TCF20: variants seen among roughly 807,000 people sequenced by gnomAD.
The protein encoded by TCF20 is transcription factor 20.
TCF20 carries 3 observed loss-of-function variants against 148.6 expected under a neutral mutation model. The observed-to-expected ratio is 0.02, with a 90% CI of 0.01 to 0.05. TCF20 has a LOEUF of 0.05. Ranked by LOEUF, TCF20 falls within the 10% of genes least tolerant of loss-of-function variation. The pLI is 1.00. For missense variants in TCF20, 2,350 were observed against 2,429.3 expected, an observed-to-expected ratio of 0.97 and a Z score of 0.69; for synonymous variants, 1,049 against 909.5, an observed-to-expected ratio of 1.15 and a Z score of -2.76.
exon 1 of TCF20, among the ~76,000 whole-genome samples, chr22:42,283,959 G>A (rs181123673): frequency 2.0e-4 from 31 of 152,368 alleles, no homozygotes; most frequent in Non-Finnish European, 3.8e-4. Flanking sequence ...GAAAAGGAAA[G>A]GGGGGCAGTT....
chr22:42,253,755 G>T (rs1348978723), intron 1 of TCF20, among the ~76,000 whole-genome samples: 1 of 152,056 alleles, frequency 6.6e-6, no homozygotes, highest in African/African-American at 2.4e-5. Flanking sequence ...ATTCAGAAAG[G>T]ATCCTGAACC....
At chr22:42,244,736 G>A (rs9611763) in intron 1 of TCF20, among the ~76,000 whole-genome samples, 1 of 152,100 alleles carries the variant, frequency 6.6e-6, no homozygotes, top group African/African-American at 2.4e-5. Context: ...AACGCCACTC[G>A]AGTGTTCGCT....
At chr22:42,298,352 TG>T (rs1384500947) in intron 1 of TCF20, among the ~76,000 whole-genome samples, 1 of 152,154 alleles carries the variant, frequency 6.6e-6, no homozygotes, top group African/African-American at 2.4e-5. Context: ...GGCCGACTGT[TG>T]TTGGGGCACC....
rs1020161690 is a variant in TCF20, at chr22:42,164,216, T to C, written c.*45-2858A>G. 1.4e-4 allele frequency among the ~76,000 whole-genome samples: 19 copies of C among 135,712 alleles called. 1 individual carries two copies. The highest frequency in any genetic ancestry group is 3.1e-4 in the African/African-American group (11 of 35,408). 89.0% of individuals were successfully genotyped at this position (135,712 alleles called of 152,430 possible). A position where few individuals can be genotyped will look rare whatever the true frequency, so the allele number is the denominator to read the frequency against. On this transcript the variant is annotated intron_variant, in intron 5 of 5. Coordinates refer to ENST00000677622, the MANE Select transcript of TCF20 (RefSeq NM_001378418.1). ...CTGGGATGCACTCATTTCTTTCTTT[T>C]TTTTTTTTTTTTTTTTGAGATGGAG... is the stretch of plus-strand genomic sequence containing the variant.
chr22:42,179,405 A>G (rs535534516), intron 3 of TCF20, among the ~76,000 whole-genome samples: 39 of 151,962 alleles, frequency 2.6e-4, no homozygotes, highest in Middle Eastern at 3.4e-3. Flanking sequence ...TTAAAAAAGA[A>G]AACAGAATAG....
At chr22:42,190,092 A>G (rs1177964818) in intron 2 of TCF20, among the ~76,000 whole-genome samples, 1 of 152,144 alleles carries the variant, frequency 6.6e-6, no homozygotes, top group Non-Finnish European at 1.5e-5. Flanking sequence ...TACATTGGGG[A>G]TAATACCCAG....
intron 3 of TCF20, among the ~76,000 whole-genome samples, chr22:42,172,755 T>G (rs757071868): frequency 6.6e-6 from 1 of 152,198 alleles, no homozygotes; most frequent in South Asian, 2.1e-4. Context: ...TTGGATCTGT[T>G]GTGTAGCAGA....
chr22:42,193,665 T>C (rs1937454330), intron 2 of TCF20, among the ~76,000 whole-genome samples: 1 of 152,132 alleles, frequency 6.6e-6, no homozygotes, highest in Non-Finnish European at 1.5e-5. Context: ...CAGATTTCAT[T>C]TATCCAACAC....
chr22:42,186,192 T>C (rs1937037086), intron 2 of TCF20, among the ~76,000 whole-genome samples: 1 of 152,178 alleles, frequency 6.6e-6, no homozygotes. Context: ...ATAAATGTGG[T>C]TGGTCTAATG....
At chr22:42,287,593 G>C (rs1165748400), upstream of TCF20, among the ~76,000 whole-genome samples, 4 of 152,184 alleles carry the variant, frequency 2.6e-5, no homozygotes, top group Non-Finnish European at 4.4e-5. Context: ...TGAAAGCACA[G>C]CCAAGCCCAA....
intron 5 of TCF20, 116 bp from the exon 6 acceptor site, chr22:42,161,474 C>T: frequency 7.4e-7 from 1 of 1,356,958 alleles, no homozygotes; most frequent in Non-Finnish European, 1.0e-6. Context: ...ACTCACGCCC[C>T]TCTGCAGATG....
chr22:42,235,648 G>A (rs185008632), intron 1 of TCF20, among the ~76,000 whole-genome samples: 1 of 152,246 alleles, frequency 6.6e-6, no homozygotes, highest in East Asian at 1.9e-4. Flanking sequence ...GTTGGAAAAA[G>A]TACTACATTT....
intron 1 of TCF20, among the ~76,000 whole-genome samples, chr22:42,253,470 AAATAT>A (rs1450033077): frequency 1.3e-5 from 2 of 152,222 alleles, no homozygotes; most frequent in Non-Finnish European, 2.9e-5. Flanking sequence ...GGGATTACAT[AAATAT>A]ATTATCTCAA....
intron 2 of TCF20, among the ~76,000 whole-genome samples, chr22:42,187,854 G>A (rs934398358): frequency 6.6e-6 from 1 of 152,130 alleles, no homozygotes; most frequent in Non-Finnish European, 1.5e-5. Flanking sequence ...AATACACACA[G>A]CTTTATACAA....
chr22:42,232,818 A>AC (rs1555937401), intron 1 of TCF20, among the ~76,000 whole-genome samples: 4 of 151,994 alleles, frequency 2.6e-5, no homozygotes, highest in Admixed American at 2.6e-4. Context: ...AAAAAAAAAA[A>AC]AAAACTAGTT....
chr22:42,212,531 G>A lies in TCF20; in HGVS notation c.2775C>T (p.Ser925=), dbSNP rs754607163. Residue 925 remains serine, a synonymous_variant, in exon 2 of 6, where the codon AGC becomes AGT. Coordinates refer to ENST00000677622, the MANE Select transcript of TCF20 (RefSeq NM_001378418.1). ...CAAAGTCTTCCTCTTTTATCTGCCC[G>A]CTCTGGGATTTCAGCTTGGTTTCCA... ...VSMETKLKSQ[S]GQIKEEDFEQ... is the part of the protein sequence containing the mutation. 7.4e-6 allele frequency: 12 copies of A among 1,613,922 alleles called. No homozygotes were observed. Among genetic ancestry groups the A allele is most frequent in the South Asian group, 5.5e-5 (5 of 91,076 alleles).
In TCF20 at chr22:42,214,253, C is replaced by G. The variant is rs1481399372; in HGVS notation, c.1053G>C (p.Glu351Asp). 1 of 1,614,196 alleles carries G rather than the reference C, an allele frequency of 6.2e-7. No homozygotes were observed. The highest frequency in any genetic ancestry group is 1.1e-5 in the South Asian group (1 of 91,088). ...ACTGCATGGGGGACCTCACAGGAAC[C>G]TCAGGCTGGTTGTACTGCCCCACTT... Reference protein sequence around the residue: ...QSQVGQYNQPEVPVRSPMQFH... With the variant: ...QSQVGQYNQPDVPVRSPMQFH... The change falls in exon 2 of 6, where the codon GAG (glutamate) becomes GAC (aspartate). Residue 351 changes from glutamate to aspartate, a missense_variant. Coordinates refer to ENST00000677622, the MANE Select transcript of TCF20 (RefSeq NM_001378418.1).
chr22:42,343,222 CTT>C (rs1428256324), intron 1 of TCF20, among the ~76,000 whole-genome samples: 1 of 152,192 alleles, frequency 6.6e-6, no homozygotes, highest in Non-Finnish European at 1.5e-5. Flanking sequence ...TTTGCCCACT[CTT>C]AGCCTCCGTT....
chr22:42,273,356 G>A (rs542056755), upstream of TCF20, among the ~76,000 whole-genome samples: 27 of 44,976 alleles, frequency 6.0e-4, no homozygotes, highest in South Asian at 9.4e-3. Context: ...GCAAAACTCC[G>A]TCTCAAAAAA....
Sources: gnomAD v4.1 joint callset for allele counts (sites outside exome capture counted in the v4.1 genomes callset) on GRCh38, gnomAD v4.1.1 for gene constraint, MANE v1.5 for transcripts, NCBI Gene and HGNC (gene_info 2026-07-23, HGNC 2026-07-21) for gene names.